The following ITPRID2 variants were observed in gnomAD, a reference collection of about 807,000 sequenced individuals.
ITPRID2 encodes ITPR interacting domain containing 2, also known as protein ITPRID2.
ITPRID2 carries 60 observed loss-of-function variants against 124.3 expected under a neutral mutation model. The ratio of observed to expected loss-of-function variants is 0.48; its 90% CI spans 0.39 to 0.60. The LOEUF (loss-of-function observed/expected upper bound fraction) is 0.60. Ranked by LOEUF, ITPRID2 falls within the 20% of genes least tolerant of loss-of-function variation. ITPRID2 has a pLI of 0.00. For synonymous variants in ITPRID2, 521 were observed against 542.9 expected (o/e 0.96, Z 0.56); for missense variants, 1,553 against 1,512.2 (o/e 1.03, Z -0.45).
intron 16 of ITPRID2, among the ~76,000 whole-genome samples, chr2:181,926,935 A>G (rs962627274): frequency 5.3e-5 from 8 of 152,192 alleles, no homozygotes; most frequent in Non-Finnish European, 1.0e-4. Flanking sequence ...TTTGTATCCA[A>G]CACATACTTG....
In ITPRID2 at chr2:181,918,584, T is replaced by A. The variant is rs936564157; in HGVS notation, c.2788-14T>A. 6 of 1,613,038 alleles carry A rather than the reference T, an allele frequency of 3.7e-6. No individual in the cohort carries two copies. The highest frequency in any genetic ancestry group is 1.7e-5 in the Admixed American group (1 of 59,906). ...TTTAACATTGGTTTTAATCCTACTT[T>A]TACTTTTTTGAAGTACCCTATGATG... On this transcript the variant is annotated splice_polypyrimidine_tract_variant and intron_variant, in intron 11 of 17. Transcript: ENST00000431877.
Position 181,909,893 on chromosome 2 carries a change from C to A in ITPRID2, c.1414-6C>A. On this transcript the variant is annotated splice_region_variant and splice_polypyrimidine_tract_variant and intron_variant, in intron 8 of 17. Transcript: ENST00000431877. ...TTGGTTTTAACTACTTAAAACTCTT[C>A]TTAAGGTTCAAAGTACGGAGGGAGA... 1 of 1,611,836 alleles carries A rather than the reference C, an allele frequency of 6.2e-7. No homozygotes were observed. Among genetic ancestry groups the A allele is most frequent in the Non-Finnish European group, 8.5e-7 (1 of 1,178,326 alleles).
chr2:181,916,871 C>T (rs1694101438), intron 11 of ITPRID2: 3 of 1,000,710 alleles, frequency 3.0e-6, no homozygotes, highest in South Asian at 8.6e-5. Context: ...GCACCACGTT[C>T]TCCTGGTTCT....
rs1694307260 is a variant in ITPRID2 at position 181,919,321 on chromosome 2, T to G, written c.3019T>G (p.Leu1007Val). 6.2e-7 allele frequency: 1 copy of G among 1,614,050 alleles called. No individual in the cohort carries two copies. ...ERFEVDQLQG[L>V]RNSVRMELQD... ...GTTTGAAGTTGATCAGCTCCAGGGT[T>G]TGAGAAATTCAGTCCGAATGGAACT... The change falls in exon 14 of 18, where the codon TTG becomes GTG. Residue 1007 changes from leucine to valine, a missense_variant. Transcript: ENST00000431877. This position sits in a 1 kb window ranked among gnomAD's most constrained non-coding sequence, Gnocchi z 4.2.
rs758131158 is a variant in ITPRID2, at chr2:181,892,504, G to A, written c.212-111G>A. 17 of 1,386,090 alleles carry A rather than the reference G, an allele frequency of 1.2e-5. No individual in the cohort carries two copies. Among genetic ancestry groups the A allele is most frequent in the Admixed American group, 1.7e-5 (1 of 58,106 alleles). 85.9% of individuals were successfully genotyped at this position (1,386,090 alleles called of 1,614,324 possible). A position where few individuals can be genotyped will look rare whatever the true frequency, so the allele number is the denominator to read the frequency against. ...CTGCCAAGGGACACTGAGACGTGTC[G>A]CTTAGGCTGCATTTGCCGTGGTAGA... On this transcript the variant is annotated intron_variant, in intron 1 of 17. Transcript: ENST00000431877. The surrounding 1 kb of genome is among the most constrained non-coding windows in gnomAD (Gnocchi z 5.2).
chr2:181,929,029 T>G (rs1015708548), intron 17 of ITPRID2, among the ~76,000 whole-genome samples: 1 of 151,490 alleles, frequency 6.6e-6, no homozygotes, highest in Non-Finnish European at 1.5e-5. Context: ...AAAAAACTCT[T>G]TTATATGTCT....
At position 181,892,126 on chromosome 2, in the gene ITPRID2, G is replaced by T. The variant is rs1476863409; in HGVS notation, c.60G>T (p.Ala20=). The T allele has an allele frequency of 6.4e-7, 1 of 1,558,480 alleles. No individual in the cohort carries two copies. Among genetic ancestry groups the T allele is most frequent in the East Asian group, 2.4e-5 (1 of 41,646 alleles). Residue 20 remains alanine (A), a synonymous_variant, in exon 1 of 18, where the codon GCG becomes GCT. Transcript: ENST00000431877. The surrounding 1 kb of genome is among the most constrained non-coding windows in gnomAD (Gnocchi z 5.2). ...EAEEELEWQV[A]SRRRKAWAKC... Reference sequence around the variant, plus strand: ...AGGAGGAACTGGAGTGGCAAGTGGCGAGTCGCAGGAGGAAGGCCTGGGCCA... The same window carrying T: ...AGGAGGAACTGGAGTGGCAAGTGGCTAGTCGCAGGAGGAAGGCCTGGGCCA...
intron 4 of ITPRID2, among the ~76,000 whole-genome samples, chr2:181,898,622 T>A (rs1489706573): frequency 6.6e-6 from 1 of 152,102 alleles, no homozygotes; most frequent in Non-Finnish European, 1.5e-5. Flanking sequence ...TATACGTTTT[T>A]TTATTTTAAG....
intron 8 of ITPRID2, among the ~76,000 whole-genome samples, chr2:181,906,087 ATTTG>A (rs1484195869): frequency 3.3e-5 from 5 of 152,242 alleles, no homozygotes; most frequent in Non-Finnish European, 5.9e-5. Flanking sequence ...ACTCGATAGT[ATTTG>A]TTTAAGATAA....
At position 181,896,984 on chromosome 2, in the gene ITPRID2, CTG is replaced by C. The variant is rs758753510; in HGVS notation, c.364+22_364+23del. ...CTGAAGGTATGTTTGTTTGGAAGAA[CTG>C]TATTTTTGTGTAGTTTTCAAATTTA... On this transcript the variant is annotated intron_variant, in intron 4 of 17. Transcript: ENST00000431877. This position sits in a 1 kb window ranked among gnomAD's most constrained non-coding sequence, Gnocchi z 4.3. 1.1e-5 allele frequency: 17 copies of C among 1,605,402 alleles called. No individual in the cohort carries two copies. The East Asian group carries it at 3.8e-4, about 36-fold the overall frequency.
chr2:181,892,223 G>A lies in ITPRID2; in HGVS notation c.157G>A (p.Glu53Lys). ...AGAAGCGACGACGCAGGACGAGGAG[G>A]AGGACGAGGAGGAGGACCTCCCCGG... is the stretch of plus-strand genomic sequence containing the variant. ...STEATTQDEE[E>K]DEEEDLPGAQ... The change falls in exon 1 of 18, where the codon GAG (glutamate) becomes AAG (lysine). Residue 53 changes from glutamate to lysine, a missense_variant. By Grantham distance (56) the Glu-to-Lys change is moderately conservative. Transcript: ENST00000431877. The surrounding 1 kb of genome is among the most constrained non-coding windows in gnomAD (Gnocchi z 5.2). 6.4e-7 allele frequency: 1 copy of A among 1,550,574 alleles called. No individual in the cohort carries two copies. Among genetic ancestry groups the A allele is most frequent in the Non-Finnish European group, 8.7e-7 (1 of 1,146,888 alleles).
intron 16 of ITPRID2, among the ~76,000 whole-genome samples, chr2:181,922,666 T>C (rs553671010): frequency 4.0e-4 from 61 of 152,350 alleles, no homozygotes; most frequent in African/African-American, 1.4e-3. Context: ...AAAAGATATG[T>C]GAAGGACTCA....
chr2:181,929,988 C>T lies in ITPRID2; in HGVS notation c.*441C>T, dbSNP rs1695166528. On this transcript the variant is annotated 3_prime_UTR_variant, in exon 18 of 18. Transcript: ENST00000431877. Reference sequence around the variant, plus strand: ...AGCTTGAAGCATCCAATGATTTTTCCCTCCACTGCTGTTAATTAATGTCAC... The same window carrying T: ...AGCTTGAAGCATCCAATGATTTTTCTCTCCACTGCTGTTAATTAATGTCAC... 1 of 161,390 alleles carries T rather than the reference C, an allele frequency of 6.2e-6. No homozygotes were observed. The highest frequency in any genetic ancestry group is 2.0e-4 in the South Asian group (1 of 4,942). 10.0% of individuals were successfully genotyped at this position (161,390 alleles called of 1,614,324 possible).
intron 11 of ITPRID2, chr2:181,916,969 G>A: frequency 3.9e-5 from 38 of 986,730 alleles, no homozygotes; most frequent in Non-Finnish European, 4.6e-5. Flanking sequence ...TGGACTCAAA[G>A]ACTGGAACTA....
At chr2:181,920,250 T>C (rs537210480) in intron 14 of ITPRID2, among the ~76,000 whole-genome samples, 2 of 152,294 alleles carry the variant, frequency 1.3e-5, no homozygotes, top group East Asian at 3.9e-4. Context: ...TATAAACACA[T>C]ATATGTATAG....
intron 2 of ITPRID2, chr2:181,893,455 A>G (rs1691927464): frequency 6.6e-6 from 1 of 152,134 alleles, no homozygotes; most frequent in African/African-American, 2.4e-5. Flanking sequence ...TTTTGTTCAA[A>G]TATTAGAGTT....
intron 10 of ITPRID2, 71 bp from the exon 11 acceptor site, chr2:181,915,145 T>G: frequency 6.7e-7 from 1 of 1,494,504 alleles, no homozygotes; most frequent in Non-Finnish European, 9.1e-7. Flanking sequence ...AAGCACCATG[T>G]TGGTTTGGTA....
rs1691867032 is a variant in ITPRID2 at position 181,892,794 on chromosome 2, A to G, written c.257+134A>G. On this transcript the variant is annotated intron_variant, in intron 2 of 17. Coordinates refer to ENST00000431877, the MANE Select transcript of ITPRID2 (RefSeq NM_001130445.3). This position sits in a 1 kb window ranked among gnomAD's most constrained non-coding sequence, Gnocchi z 5.2. ...TACAAACCGGAAAGTGAGCCGGCGG[A>G]TAGCTTCCTCCTCTAAGCGATTAGA... 2.1e-6 allele frequency: 2 copies of G among 973,320 alleles called. No homozygotes were observed. Among genetic ancestry groups the G allele is most frequent in the Non-Finnish European group, 1.6e-6 (1 of 631,668 alleles). 60.3% of individuals were successfully genotyped at this position (973,320 alleles called of 1,614,324 possible).
chr2:181,929,850 G>A lies in ITPRID2; in HGVS notation c.*303G>A. Reference sequence around the variant, plus strand: ...CCTATTAGAATTAATTTTAAAACTTGAAGACTTCCAGACTTATCCAACTTA... The same window carrying A: ...CCTATTAGAATTAATTTTAAAACTTAAAGACTTCCAGACTTATCCAACTTA... On this transcript the variant is annotated 3_prime_UTR_variant, in exon 18 of 18. Transcript: ENST00000431877. 1 of 396,386 alleles carries A rather than the reference G, an allele frequency of 2.5e-6. No homozygotes were observed. The highest frequency in any genetic ancestry group is 3.9e-5 in the East Asian group (1 of 25,448). The allele number at this position is 396,386 out of a possible 1,614,324, so 24.6% of individuals were successfully genotyped here. A position where few individuals can be genotyped will look rare whatever the true frequency, so the allele number is the denominator to read the frequency against.
Sources: allele counts gnomAD v4.1 joint callset (sites outside exome capture counted in the v4.1 genomes callset), GRCh38; gene constraint gnomAD v4.1.1; non-coding constraint Gnocchi (gnomAD v3.1); transcripts MANE v1.5; gene names NCBI Gene and HGNC (gene_info 2026-07-23, HGNC 2026-07-21).